The following DIP2C variants were observed in gnomAD, a reference collection of about 807,000 sequenced individuals.
DIP2C encodes disco-interacting protein 2 homolog C.
In DIP2C, 33 loss-of-function variants were observed where a neutral mutation model predicts 192.4. The ratio of observed to expected loss-of-function variants is 0.17; its 90% CI spans 0.13 to 0.23. The LOEUF (loss-of-function observed/expected upper bound fraction) is 0.23, where lower values mean the gene tolerates loss of function less well. Ranked by LOEUF, DIP2C falls within the 10% of genes least tolerant of loss-of-function variation. DIP2C has a pLI of 1.00. For synonymous variants in DIP2C, 979 were observed against 864.1 expected (o/e 1.13, Z -2.33); for missense variants, 1,537 against 2,110.1 (o/e 0.73, Z 5.32).
At chr10:319,547 A>G (rs528058446) in intron 31 of DIP2C, among the ~76,000 whole-genome samples, 1 of 152,334 alleles carries the variant, frequency 6.6e-6, no homozygotes, top group South Asian at 2.1e-4. Context: ...CTAATGCAAC[A>G]AAAGACCTTC....
At chr10:307,593 G>T (rs541856645) in intron 32 of DIP2C, among the ~76,000 whole-genome samples, 35 of 152,208 alleles carry the variant, frequency 2.3e-4, no homozygotes, top group Middle Eastern at 3.4e-3. Flanking sequence ...CTCTGCAGTG[G>T]GGGGGTAAGG....
rs577751609 is a variant in DIP2C at position 331,742 on chromosome 10, G to A, written c.3585-2141C>T. 1.1e-4 allele frequency among the ~76,000 whole-genome samples: 17 copies of A among 152,254 alleles called. No homozygotes were observed. In the East Asian group the frequency reaches 2.1e-3, roughly 19 times the overall value. On this transcript the variant is annotated intron_variant, in intron 29 of 36. Transcript: ENST00000280886. ...ATCTCCTCCGTGGACACCGAGGGAC[G>A]ACTTTCTAGCAAATAGTGACCTTTC... is the stretch of plus-strand genomic sequence containing the variant.
chr10:593,923 C>G (rs886728735), intron 1 of DIP2C, among the ~76,000 whole-genome samples: 4 of 152,178 alleles, frequency 2.6e-5, no homozygotes, highest in African/African-American at 9.7e-5. Flanking sequence ...TAAAGGGCCT[C>G]TGAATTTCAG....
At chr10:520,715 G>A (rs886655320) in intron 1 of DIP2C, among the ~76,000 whole-genome samples, 1 of 152,194 alleles carries the variant, frequency 6.6e-6, no homozygotes, top group East Asian at 1.9e-4. Context: ...ACCATCTGCT[G>A]CCAAAGTTTC....
At chr10:650,419 A>G in intron 1 of DIP2C, 1 of 713,892 alleles carries the variant, frequency 1.4e-6, no homozygotes, top group East Asian at 2.7e-5. Flanking sequence ...AGAAGAACGC[A>G]GGCCGACAAC....
At chr10:400,356 G>A (rs1000048212) in intron 9 of DIP2C, among the ~76,000 whole-genome samples, 1 of 152,206 alleles carries the variant, frequency 6.6e-6, no homozygotes, top group African/African-American at 2.4e-5. Context: ...TAACAGTATG[G>A]TGTATCTTGA....
At chr10:439,742 A>G (rs1967577576) in intron 4 of DIP2C, among the ~76,000 whole-genome samples, 1 of 141,550 alleles carries the variant, frequency 7.1e-6, no homozygotes, top group Non-Finnish European at 1.5e-5. Context: ...TACTTGGAAT[A>G]ATGTGGGCAT....
At chr10:678,739 G>A (rs183469343) in intron 1 of DIP2C, among the ~76,000 whole-genome samples, 10 of 24,994 alleles carry the variant, frequency 4.0e-4, no homozygotes, top group African/African-American at 9.1e-4. Context: ...TGCTCCCCGC[G>A]CCCATCTCTG....
At chr10:453,340 G>T (rs1009765643) in intron 3 of DIP2C, among the ~76,000 whole-genome samples, 1 of 152,196 alleles carries the variant, frequency 6.6e-6, no homozygotes, top group Admixed American at 6.5e-5. Flanking sequence ...GAAGGTACCA[G>T]GCAGGATTGC....
At chr10:607,284 G>C (rs892452106) in intron 1 of DIP2C, among the ~76,000 whole-genome samples, 2 of 152,212 alleles carry the variant, frequency 1.3e-5, no homozygotes, top group African/African-American at 4.8e-5. Flanking sequence ...ACGGTCCTCA[G>C]CTGAGCTGCT....
intron 1 of DIP2C, among the ~76,000 whole-genome samples, chr10:647,831 A>G (rs1855553815): frequency 6.8e-6 from 1 of 147,346 alleles, no homozygotes. Flanking sequence ...AGGGAAACTG[A>G]GTCCACGTCC....
chr10:610,146 A>G (rs1017646493), intron 1 of DIP2C, among the ~76,000 whole-genome samples: 1 of 152,178 alleles, frequency 6.6e-6, no homozygotes, highest in Non-Finnish European at 1.5e-5. Context: ...CACCACACAG[A>G]GGAGAGAGCC....
chr10:340,882 C>A (rs1446091092), intron 29 of DIP2C: 1 of 477,872 alleles, frequency 2.1e-6, no homozygotes. Flanking sequence ...CCAGGCCCAG[C>A]ACCATCGCCA....
At chr10:599,056 G>A (rs911771248) in intron 1 of DIP2C, among the ~76,000 whole-genome samples, 3 of 152,188 alleles carry the variant, frequency 2.0e-5, no homozygotes, top group African/African-American at 7.2e-5. Context: ...TAAAGTAAGT[G>A]AAGGAGTCAG....
chr10:384,095 T>C lies in DIP2C; in HGVS notation c.1808A>G (p.His603Arg). 6.2e-7 allele frequency: 1 copy of C among 1,612,584 alleles called. No homozygotes were observed. The change falls in exon 16 of 37, where the codon CAC (histidine) becomes CGC (arginine). Residue 603 changes from histidine (H) to arginine (R), a missense_variant. This residue lies in a region of DIP2C where 677 missense variants were observed against 989.9 expected (regional missense o/e 0.68). Transcript: ENST00000280886. The part of the protein sequence containing the change: ...SRDMHWALVA[H>R]RDQRDINLSS... ...GAGGTTGATGTCTCTCTGATCTCTG[T>C]GTGCTACTAATGCCCAATGCATATC...
At position 274,800 on chromosome 10, in the gene DIP2C, T is replaced by C. The variant is rs1322437447; in HGVS notation, c.*2525A>G. On this transcript the variant is annotated 3_prime_UTR_variant, in exon 37 of 37. Coordinates refer to ENST00000280886, the MANE Select transcript of DIP2C (RefSeq NM_014974.3). ...ATATGTTCACTGTGTACCCTCTTTT[T>C]GTGCAAGTTGATTACACGGTTTTGT... 3 of 152,268 alleles carry C rather than the reference T, an allele frequency of 2.0e-5. No individual in the cohort carries two copies. Among genetic ancestry groups the C allele is most frequent in the Non-Finnish European group, 4.4e-5 (3 of 68,052 alleles). 9.4% of individuals were successfully genotyped at this position (152,268 alleles called of 1,614,324 possible). A position where few individuals can be genotyped will look rare whatever the true frequency, so the allele number is the denominator to read the frequency against.
At chr10:373,209 CTT>C (rs1331899182) in intron 17 of DIP2C, among the ~76,000 whole-genome samples, 1 of 152,118 alleles carries the variant, frequency 6.6e-6, no homozygotes, top group African/African-American at 2.4e-5. Flanking sequence ...CTACTGCTCT[CTT>C]CTTTTTATAA....
intron 1 of DIP2C, among the ~76,000 whole-genome samples, chr10:600,842 C>CA (rs1265276775): frequency 6.6e-6 from 1 of 152,226 alleles, no homozygotes; most frequent in Non-Finnish European, 1.5e-5. Flanking sequence ...ATAAGAGAAT[C>CA]AGGTCTTTGG....
At chr10:635,351 C>T (rs911660544) in intron 1 of DIP2C, among the ~76,000 whole-genome samples, 5 of 152,248 alleles carry the variant, frequency 3.3e-5, no homozygotes, top group African/African-American at 4.8e-5. Context: ...TCGCCCCTCA[C>T]AGACTGGGAT....
Sources: allele counts gnomAD v4.1 joint callset (sites outside exome capture counted in the v4.1 genomes callset), GRCh38; gene constraint gnomAD v4.1.1; regional missense constraint gnomAD v4.1.1; transcripts MANE v1.5; gene names NCBI Gene and HGNC (gene_info 2026-07-23, HGNC 2026-07-21).